TBX18: variants seen among roughly 807,000 people sequenced by gnomAD.
TBX18 encodes T-box transcription factor 18.
TBX18 carries 21 observed loss-of-function variants against 55.0 expected under a neutral mutation model. The observed-to-expected ratio is 0.38, with a 90% CI of 0.27 to 0.55. TBX18 has a LOEUF of 0.55. Ranked by LOEUF, TBX18 falls within the 20% of genes least tolerant of loss-of-function variation. The pLI, the probability that TBX18 is intolerant of heterozygous loss-of-function variation, is 0.73. For synonymous variants in TBX18, 342 were observed against 326.1 expected (o/e 1.05, Z -0.53); for missense variants, 840 against 799.6 (o/e 1.05, Z -0.61).
At chr6:84,753,814 G>A (rs147381582) in intron 4 of TBX18, among the ~76,000 whole-genome samples, 46 of 152,132 alleles carry the variant, frequency 3.0e-4, no homozygotes, top group African/African-American at 4.8e-4. Context: ...GCTGGAATAC[G>A]GTGACACTGG....
chr6:84,754,226 G>C (rs115035482), intron 4 of TBX18, among the ~76,000 whole-genome samples: 2 of 152,196 alleles, frequency 1.3e-5, no homozygotes, highest in African/African-American at 4.8e-5. Flanking sequence ...CCATGCCCAG[G>C]CCAAGCCACC....
At position 84,762,684 on chromosome 6, in the gene TBX18, C is replaced by A; in HGVS notation, c.357G>T (p.Lys119Asn). The change falls in exon 2 of 8, where the codon AAG (lysine) becomes AAT (asparagine). Residue 119 changes from lysine to asparagine, a missense_variant. Lys to Asn is a moderately conservative substitution (Grantham distance 94, BLOSUM62 0). Coordinates refer to ENST00000369663, the MANE Select transcript of TBX18 (RefSeq NM_001080508.3). The part of the protein sequence containing the change: ...SPLASPGGSP[K>N]GSPARSLARP... ...GGGCCAGGGAGCGCGCCGGAGACCC[C>A]TTGGGGGAGCCTCCCGGTGACGCCA... The A allele has an allele frequency of 1.2e-6, 2 of 1,610,884 alleles. No individual in the cohort carries two copies. The highest frequency in any genetic ancestry group is 1.7e-6 in the Non-Finnish European group (2 of 1,178,986).
In TBX18 at chr6:84,737,007, G is replaced by T. The variant is rs1212619714; in HGVS notation, c.1502C>A (p.Pro501Gln). The T allele has an allele frequency of 6.2e-7, 1 of 1,613,390 alleles. No individual in the cohort carries two copies. The highest frequency in any genetic ancestry group is 1.3e-5 in the African/African-American group (1 of 74,922). The change falls in exon 8 of 8, where the codon CCA (proline) becomes CAA (glutamine). Residue 501 changes from proline (P) to glutamine (Q), a missense_variant. Pro to Gln is a moderately conservative substitution (Grantham distance 76, BLOSUM62 -1). Transcript: ENST00000369663. ...GGCGAAGGCATTGCTGGAGGGTGAT[G>T]GCATGATATACTGGAGCTGGGGGGA... is the stretch of plus-strand genomic sequence containing the variant. The part of the protein sequence containing the change: ...GMSPQLQYIM[P>Q]SPSSNAFATN...
At chr6:84,752,454 T>A (rs1040017876) in intron 4 of TBX18, among the ~76,000 whole-genome samples, 1 of 152,234 alleles carries the variant, frequency 6.6e-6, no homozygotes, top group African/African-American at 2.4e-5. Context: ...GAATCAAGGC[T>A]GTAACAATGA....
chr6:84,750,039 AC>A (rs748485571), intron 4 of TBX18, among the ~76,000 whole-genome samples: 24 of 152,136 alleles, frequency 1.6e-4, no homozygotes, highest in African/African-American at 4.8e-5. Flanking sequence ...TAATCCCAGC[AC>A]TTTGGGAGGC....
At position 84,737,047 on chromosome 6, in the gene TBX18, G is replaced by T; in HGVS notation, c.1462C>A (p.Gln488Lys). The T allele has an allele frequency of 6.2e-7, 1 of 1,614,158 alleles. No individual in the cohort carries two copies. The highest frequency in any genetic ancestry group is 8.5e-7 in the Non-Finnish European group (1 of 1,180,024). The change falls in exon 8 of 8, where the codon CAG becomes AAG. Residue 488 changes from glutamine to lysine, a missense_variant. Coordinates refer to ENST00000369663, the MANE Select transcript of TBX18 (RefSeq NM_001080508.3). ...FSCPQTSLSM[Q>K]ISGMSPQLQY... Reference sequence around the variant, plus strand: ...AGCTGGGGGGACATTCCCGAAATCTGCATGGATAAGCTGGTCTGTGGGCAG... The same window carrying T: ...AGCTGGGGGGACATTCCCGAAATCTTCATGGATAAGCTGGTCTGTGGGCAG...
chr6:84,734,695 A>G lies in TBX18; in HGVS notation c.*1990T>C, dbSNP rs939094125. ...TGAAATGATCAACGGCAAGAAGGAA[A>G]ATGCTCTTATTAATACATATGGGTA... On this transcript the variant is annotated 3_prime_UTR_variant, in exon 8 of 8. Transcript: ENST00000369663. 6.6e-6 allele frequency: 1 copy of G among 152,612 alleles called. No homozygotes were observed. Among genetic ancestry groups the G allele is most frequent in the Non-Finnish European group, 1.5e-5 (1 of 68,004 alleles). 9.5% of individuals were successfully genotyped at this position (152,612 alleles called of 1,614,324 possible).
chr6:84,763,764 G>A (rs1298442913), intron 1 of TBX18, 126 bp downstream of exon 1: 3 of 1,414,402 alleles, frequency 2.1e-6, no homozygotes, highest in Non-Finnish European at 2.7e-6. Flanking sequence ...CGACTGACAC[G>A]GCCAATGCGC....
At position 84,763,916 on chromosome 6, in the gene TBX18, C is replaced by T; in HGVS notation, c.266G>A (p.Gly89Asp). The T allele has an allele frequency of 6.4e-7, 1 of 1,555,738 alleles. No homozygotes were observed. Reference protein sequence around the residue: ...AGATSGPARSGADLERGAAGG... With the variant: ...AGATSGPARSDADLERGAAGG... ...CGCGGCTCCGCGCTCCAGGTCTGCG[C>T]CACTCCGAGCCGGCCCAGACGTCGC... Residue 89 changes from glycine (G) to aspartate (D), a missense_variant, in exon 1 of 8, where the codon GGC (glycine) becomes GAC (aspartate). Transcript: ENST00000369663.
intron 3 of TBX18, among the ~76,000 whole-genome samples, chr6:84,758,555 C>A (rs555625827): frequency 6.7e-4 from 102 of 151,432 alleles, no homozygotes; most frequent in African/African-American, 2.3e-3. Context: ...GATTAAATAC[C>A]ACTCAAACAT....
At chr6:84,763,361 C>G in intron 1 of TBX18, 1 of 457,338 alleles carries the variant, frequency 2.2e-6, no homozygotes, top group South Asian at 1.5e-5. Flanking sequence ...AAAGCAAGCC[C>G]GCGGTCGCCG....
chr6:84,762,799 A>G (rs1260509303), intron 1 of TBX18, 51 bp from the exon 2 acceptor site: 10 of 1,544,940 alleles, frequency 6.5e-6, no homozygotes, highest in Non-Finnish European at 8.8e-6. Context: ...ACAGAGGGGA[A>G]GCCAGCCGCG....
intron 4 of TBX18, among the ~76,000 whole-genome samples, chr6:84,752,528 C>T (rs1404291984): frequency 1.3e-5 from 2 of 152,212 alleles, no homozygotes; most frequent in African/African-American, 2.4e-5. Context: ...ATATAATGGA[C>T]TCTTTACAAA....
intron 6 of TBX18, 31 bp downstream of exon 6, chr6:84,744,230 C>A: frequency 1.3e-6 from 2 of 1,568,616 alleles, no homozygotes; most frequent in East Asian, 4.5e-5. Flanking sequence ...ATATATTTAT[C>A]ATAACCGGAA....
chr6:84,743,752 A>T (rs955618291), intron 6 of TBX18, among the ~76,000 whole-genome samples: 1 of 152,194 alleles, frequency 6.6e-6, no homozygotes, highest in African/African-American at 2.4e-5. Flanking sequence ...AGAAAAAATA[A>T]ACAAGTATGT....
At position 84,738,516 on chromosome 6, in the gene TBX18, G is replaced by A. The variant is rs1161206405; in HGVS notation, c.1080C>T (p.Ile360=). 4 of 1,613,914 alleles carry A rather than the reference G, an allele frequency of 2.5e-6. No individual in the cohort carries two copies. The Admixed American group carries it at 5.0e-5, about 20-fold the overall frequency. The change falls in exon 7 of 8, where the codon ATC becomes ATT. Residue 360 remains isoleucine (I), a synonymous_variant. Coordinates refer to ENST00000369663, the MANE Select transcript of TBX18 (RefSeq NM_001080508.3). ...AGTTACCTTGCTTGGGAATTCCAGGGATATCTTCAAAGGTCAGAGTCCGTA... is the reference window on the plus strand; with the variant it reads ...AGTTACCTTGCTTGGGAATTCCAGGAATATCTTCAAAGGTCAGAGTCCGTA... ...PSLRTLTFED[I]PGIPKQGNAS... is the part of the protein sequence containing the mutation.
At chr6:84,737,540 G>A (rs1766914611) in intron 7 of TBX18, 131 bp from the exon 8 acceptor site, 2 of 991,530 alleles carry the variant, frequency 2.0e-6, no homozygotes, top group East Asian at 3.0e-5. Flanking sequence ...AAAAGGAGAT[G>A]GTCTCAGCTT....
rs1773848316 is a variant in TBX18 at position 84,733,128 on chromosome 6, T to C, written c.*3557A>G. The C allele has an allele frequency of 6.6e-6, 1 of 152,168 alleles. No homozygotes were observed. Among genetic ancestry groups the C allele is most frequent in the Admixed American group, 6.5e-5 (1 of 15,276 alleles). The allele number at this position is 152,168 out of a possible 1,614,324, so 9.4% of individuals were successfully genotyped here. A position where few individuals can be genotyped will look rare whatever the true frequency, so the allele number is the denominator to read the frequency against. ...ACAGTTCAATGAAAAGAAAGCACAT[T>C]ATTTGAAAATATATCAGCATGTAGA... On this transcript the variant is annotated 3_prime_UTR_variant, in exon 8 of 8. Coordinates refer to ENST00000369663, the MANE Select transcript of TBX18 (RefSeq NM_001080508.3).
rs556991020 is a variant in TBX18, at chr6:84,763,965, C to G, written c.217G>C (p.Ala73Pro). The G allele has an allele frequency of 2.1e-4, 326 of 1,580,162 alleles. 1 individual carries two copies. The highest frequency in any genetic ancestry group is 1.8e-4 in the Non-Finnish European group (206 of 1,169,124). The change falls in exon 1 of 8, where the codon GCT becomes CCT. Residue 73 changes from alanine to proline, a missense_variant. Coordinates refer to ENST00000369663, the MANE Select transcript of TBX18 (RefSeq NM_001080508.3). Reference protein sequence around the residue: ...EKGSSEGDEGAALPPPAGATS... With the variant: ...EKGSSEGDEGPALPPPAGATS... ...GCCCCAGCCGGCGGCGGGAGCGCAG[C>G]GCCTTCGTCTCCCTCAGAAGAACCC...
Sources: allele counts gnomAD v4.1 joint callset (sites outside exome capture counted in the v4.1 genomes callset), GRCh38; gene constraint gnomAD v4.1.1; transcripts MANE v1.5; gene names NCBI Gene and HGNC (gene_info 2026-07-23, HGNC 2026-07-21).